Variants in SGCD observed in about 807,000 individuals in gnomAD.
SGCD encodes the protein delta-sarcoglycan.
A neutral mutation model predicts 36.6 loss-of-function variants in SGCD; 18 were observed. That is an observed-to-expected ratio of 0.49 (90% confidence interval 0.34 to 0.73). The LOEUF is 0.73. Among genes scored for constraint, SGCD ranks in the 30% least tolerant of loss-of-function variants. The pLI, the probability that SGCD is intolerant of heterozygous loss-of-function variation, is 0.01. For missense variants in SGCD, 387 were observed against 346.7 expected (o/e 1.12, Z -0.92); for synonymous variants, 133 against 130.6 (o/e 1.02, Z -0.12).
intron 3 of SGCD, among the ~76,000 whole-genome samples, chr5:156,211,208 T>C (rs557344607): frequency 6.6e-6 from 1 of 152,266 alleles, no homozygotes; most frequent in East Asian, 1.9e-4. Context: ...CTGGCAAAGC[T>C]GTTTTTTAGA....
At chr5:156,485,644 A>G (rs1310958664) in intron 3 of SGCD, among the ~76,000 whole-genome samples, 1 of 152,184 alleles carries the variant, frequency 6.6e-6, no homozygotes, top group Non-Finnish European at 1.5e-5. Context: ...TGGCAGAGCA[A>G]GACTCCATCT....
chr5:155,888,483 G>C (rs949133431), intron 1 of SGCD, among the ~76,000 whole-genome samples: 1 of 152,198 alleles, frequency 6.6e-6, no homozygotes, highest in Non-Finnish European at 1.5e-5. Context: ...GATGTAACAT[G>C]AGAGTCTTCA....
chr5:156,399,615 G>C (rs763709640), intron 3 of SGCD, among the ~76,000 whole-genome samples: 5 of 152,266 alleles, frequency 3.3e-5, no homozygotes, highest in South Asian at 2.1e-4. Context: ...AGTTCCCTTA[G>C]TTAAGACAAC....
rs181909017 is a variant in SGCD, at chr5:156,512,783, A to C, written c.294+4081A>C. 5.6e-3 allele frequency among the ~76,000 whole-genome samples: 855 copies of C among 152,218 alleles called. 4 individuals carry two copies. Among genetic ancestry groups the C allele is most frequent in the African/African-American group, 0.018 (736 of 41,510 alleles). On this transcript the variant is annotated intron_variant, in intron 4 of 8. Coordinates refer to ENST00000337851, the MANE Select transcript of SGCD (RefSeq NM_000337.6). The stretch of plus-strand genomic sequence containing the variant: ...CCCCCCATCCTGCTGCATCCTTCCT[A>C]CTTCCACACCCATGTGCATTTCCTA...
chr5:155,854,209 C>T, the SGCD span, among the ~76,000 whole-genome samples: 2 of 152,116 alleles, frequency 1.3e-5, no homozygotes, highest in Non-Finnish European at 2.9e-5. Flanking sequence ...GGGTGGGTAG[C>T]AGCATCTCTG....
intron 4 of SGCD, among the ~76,000 whole-genome samples, chr5:156,528,119 C>T (rs541323355): frequency 3.9e-5 from 6 of 152,302 alleles, no homozygotes; most frequent in African/African-American, 1.2e-4. Flanking sequence ...GGCAGTACTA[C>T]ATGGTATTTG....
At chr5:155,811,068 C>T in the SGCD span, among the ~76,000 whole-genome samples, 1,968 of 151,858 alleles carry the variant, frequency 0.013, 50 homozygotes, top group African/African-American at 0.044. Flanking sequence ...CCGCCCGCCT[C>T]GGCCTCCCAA....
At chr5:156,688,766 G>A (rs958710977) in intron 7 of SGCD, among the ~76,000 whole-genome samples, 1 of 152,188 alleles carries the variant, frequency 6.6e-6, no homozygotes, top group Non-Finnish European at 1.5e-5. Context: ...ATTCAGTGAG[G>A]AGAAAATCCC....
chr5:155,750,905 A>T, the SGCD span, among the ~76,000 whole-genome samples: 1 of 152,184 alleles, frequency 6.6e-6, no homozygotes. Context: ...TGGCCTCTGC[A>T]AGCATTTGGA....
At chr5:155,994,804 T>G (rs1758506068) in intron 1 of SGCD, among the ~76,000 whole-genome samples, 1 of 152,166 alleles carries the variant, frequency 6.6e-6, no homozygotes, top group African/African-American at 2.4e-5. Context: ...AGTGCTTGGG[T>G]GAGGCCTAAG....
At chr5:156,361,174 G>T (rs1053299303) in intron 3 of SGCD, among the ~76,000 whole-genome samples, 3 of 152,174 alleles carry the variant, frequency 2.0e-5, no homozygotes, top group Admixed American at 6.5e-5. Flanking sequence ...TTGTTCATGC[G>T]CTCCCTCCTG....
chr5:156,314,340 C>T (rs1216957885), intron 3 of SGCD, among the ~76,000 whole-genome samples: 2 of 151,914 alleles, frequency 1.3e-5, no homozygotes, highest in Non-Finnish European at 2.9e-5. Flanking sequence ...GGTTGGTAAG[C>T]ACTTTAGGTA....
At chr5:156,742,125 C>G (rs1283101668) in intron 7 of SGCD, among the ~76,000 whole-genome samples, 1 of 152,180 alleles carries the variant, frequency 6.6e-6, no homozygotes, top group Non-Finnish European at 1.5e-5. Flanking sequence ...ATCCACCCGC[C>G]TCGGCCTCCC....
chr5:155,801,237 T>C, the SGCD span, among the ~76,000 whole-genome samples: 5 of 152,128 alleles, frequency 3.3e-5, no homozygotes, highest in African/African-American at 1.2e-4. Flanking sequence ...AACAAAGACA[T>C]TTCTTGTCTT....
intron 3 of SGCD, among the ~76,000 whole-genome samples, chr5:156,205,183 A>G (rs879640606): frequency 2.0e-5 from 3 of 152,076 alleles, no homozygotes; most frequent in Non-Finnish European, 4.4e-5. Context: ...TCCTCTGCTT[A>G]TCTGGTCACT....
intron 3 of SGCD, among the ~76,000 whole-genome samples, chr5:156,254,054 T>C (rs1393288982): frequency 6.6e-6 from 1 of 152,206 alleles, no homozygotes; most frequent in East Asian, 1.9e-4. Flanking sequence ...TCGCAAATGA[T>C]GTCAATTTCA....
chr5:156,171,495 G>A (rs1293164569), intron 3 of SGCD, among the ~76,000 whole-genome samples: 1 of 152,130 alleles, frequency 6.6e-6, no homozygotes, highest in Non-Finnish European at 1.5e-5. Context: ...ATCTTGGATT[G>A]AATCTTGGAA....
In SGCD at chr5:156,281,383, G is replaced by A. The variant is rs150753730; in HGVS notation, c.-43-48151G>A. Reference sequence around the variant, plus strand: ...TTATGAATGTAATGCAAGGAATGACGATCCCAGGAGGATTTCAGGCACTGT... The same window carrying A: ...TTATGAATGTAATGCAAGGAATGACAATCCCAGGAGGATTTCAGGCACTGT... On this transcript the variant is annotated intron_variant, in intron 3 of 9. Transcript: ENST00000517913. Among the ~76,000 whole-genome samples, 300 of 152,250 alleles carry A rather than the reference G, an allele frequency of 2.0e-3. 1 individual carries two copies. Among genetic ancestry groups the A allele is most frequent in the African/African-American group, 6.7e-3 (278 of 41,550 alleles).
At chr5:156,504,390 G>GTA (rs746430800) in intron 3 of SGCD, among the ~76,000 whole-genome samples, 16 of 126,500 alleles carry the variant, frequency 1.3e-4, no homozygotes, top group African/African-American at 5.3e-4. Context: ...GGGTGTGTGT[G>GTA]TGTATATATA....
Sources: gnomAD v4.1 joint callset for allele counts (sites outside exome capture counted in the v4.1 genomes callset) on GRCh38, gnomAD v4.1.1 for gene constraint, MANE v1.5 for transcripts, NCBI Gene and HGNC (gene_info 2026-07-23, HGNC 2026-07-21) for gene names.